Variants in RHBDD1 observed in about 807,000 individuals in gnomAD.
RHBDD1 encodes the protein rhomboid domain containing 1.
Under a neutral mutation model 36.3 loss-of-function variants are expected in RHBDD1, and 38 were observed. The observed-to-expected ratio is 1.05, with a 90% CI of 0.81 to 1.37. The LOEUF is 1.37. Among genes scored for constraint, RHBDD1 ranks in the 40% most tolerant of loss-of-function variants. RHBDD1 has a pLI of 0.00. For missense variants in RHBDD1, 393 were observed against 377.6 expected, an observed-to-expected ratio of 1.04 and a Z score of -0.34; for synonymous variants, 151 against 136.5, an observed-to-expected ratio of 1.11 and a Z score of -0.74.
rs1944178992 is a variant in RHBDD1, at chr2:226,864,756, T to A, written c.63T>A (p.His21Gln). 1 of 1,614,220 alleles carries A rather than the reference T, an allele frequency of 6.2e-7. No homozygotes were observed. The highest frequency in any genetic ancestry group is 1.3e-5 in the African/African-American group (1 of 75,056). ...TTCTACTCCTTTCTCAAATCTTCCA[T>A]GTTGGGATCAACAATATTCCACCTG... ...GLILLLSQIFHVGINNIPPVT... is the reference protein window; with the variant it reads ...GLILLLSQIFQVGINNIPPVT... Residue 21 changes from histidine (H) to glutamine (Q), a missense_variant, in exon 4 of 9, where the codon CAT becomes CAA. Physicochemically the swap from His to Gln is conservative, Grantham distance 24. Coordinates refer to ENST00000392062, the MANE Select transcript of RHBDD1 (RefSeq NM_001167608.3).
chr2:226,820,575 T>C, the RHBDD1 span, among the ~76,000 whole-genome samples: 1 of 137,794 alleles, frequency 7.3e-6, no homozygotes, highest in Non-Finnish European at 1.5e-5. Flanking sequence ...TGGGAGGCTA[T>C]GGCGGAAGGA....
intron 8 of RHBDD1, among the ~76,000 whole-genome samples, chr2:226,982,626 T>A (rs1956030398): frequency 6.6e-6 from 1 of 152,210 alleles, no homozygotes; most frequent in Non-Finnish European, 1.5e-5. Context: ...ATAGACTGAA[T>A]TGTGTTCCAA....
intron 1 of RHBDD1, chr2:226,837,580 A>T (rs1031792790): frequency 2.6e-5 from 4 of 152,280 alleles, no homozygotes; most frequent in Admixed American, 2.0e-4. Context: ...TCTGCCACCC[A>T]GGCTGGAGTG....
rs762353533 is a variant in RHBDD1 at position 226,914,351 on chromosome 2, G to A, written c.856G>A (p.Gly286Arg). ...RALQASLWDR[G>R]NTRNSPPPYG... ...ATTACAAGCCAGCCTCTGGGACCGA[G>A]GTAGGAGTCTTGCGCCCTTCAGTTA... The change falls in exon 8 of 9, where the codon GGA becomes AGA. Residue 286 changes from glycine to arginine, a missense_variant and splice_region_variant. Gly to Arg is a moderately radical substitution (Grantham distance 125). Coordinates refer to ENST00000392062, the MANE Select transcript of RHBDD1 (RefSeq NM_001167608.3). 2 of 1,612,536 alleles carry A rather than the reference G, an allele frequency of 1.2e-6. No homozygotes were observed. The highest frequency in any genetic ancestry group is 2.7e-5 in the African/African-American group (2 of 74,882).
At chr2:226,905,356 G>A (rs1286825359) in intron 5 of RHBDD1, among the ~76,000 whole-genome samples, 5 of 152,062 alleles carry the variant, frequency 3.3e-5, no homozygotes, top group Admixed American at 2.0e-4. Context: ...AGGAAAGAAC[G>A]GCTCTTCAAC....
At chr2:226,896,731 A>G (rs1434102171) in intron 5 of RHBDD1, among the ~76,000 whole-genome samples, 2 of 152,258 alleles carry the variant, frequency 1.3e-5, no homozygotes, top group East Asian at 3.9e-4. Context: ...CATGGCACAC[A>G]GGCCTTATGT....
chr2:226,830,245 A>G, the RHBDD1 span, among the ~76,000 whole-genome samples: 1 of 152,194 alleles, frequency 6.6e-6, no homozygotes, highest in African/African-American at 2.4e-5. Flanking sequence ...TCGTGCCCTT[A>G]TAAGAGACCC....
chr2:226,815,995 T>C, the RHBDD1 span, among the ~76,000 whole-genome samples: 801 of 152,318 alleles, frequency 5.3e-3, 8 homozygotes, highest in Non-Finnish European at 8.6e-3. Context: ...TGTCTCTAGT[T>C]TGTGACATGA....
At chr2:226,881,385 A>AT (rs1474246885) in intron 5 of RHBDD1, among the ~76,000 whole-genome samples, 1 of 152,178 alleles carries the variant, frequency 6.6e-6, no homozygotes, top group African/African-American at 2.4e-5. Flanking sequence ...TGTATTTTCA[A>AT]TTTTTTTGTT....
At chr2:226,848,335 T>C (rs1942438084) in intron 3 of RHBDD1, among the ~76,000 whole-genome samples, 1 of 151,696 alleles carries the variant, frequency 6.6e-6, no homozygotes. Context: ...TATCTTAACA[T>C]GTGTAATGGA....
chr2:226,835,178 G>A (rs989903036), upstream of RHBDD1, among the ~76,000 whole-genome samples: 3 of 151,920 alleles, frequency 2.0e-5, no homozygotes, highest in African/African-American at 7.2e-5. Context: ...CCCAAAGTGC[G>A]GGGATTACAG....
At chr2:226,855,339 C>T (rs1040135987) in intron 3 of RHBDD1, among the ~76,000 whole-genome samples, 2 of 152,200 alleles carry the variant, frequency 1.3e-5, no homozygotes, top group Admixed American at 6.5e-5. Flanking sequence ...AAGACCCCAT[C>T]TCTACAAAAA....
chr2:226,940,615 A>C (rs1002037147), intron 8 of RHBDD1, among the ~76,000 whole-genome samples: 2 of 152,158 alleles, frequency 1.3e-5, no homozygotes, highest in Non-Finnish European at 2.9e-5. Context: ...TTTAATTAAA[A>C]AGTAATTCAA....
At chr2:226,883,650 A>C (rs1945966470) in intron 5 of RHBDD1, among the ~76,000 whole-genome samples, 1 of 152,208 alleles carries the variant, frequency 6.6e-6, no homozygotes, top group Admixed American at 6.5e-5. Context: ...TTAACTAACT[A>C]GGCTTGTTAA....
chr2:226,927,561 C>T (rs1045196797), intron 8 of RHBDD1, among the ~76,000 whole-genome samples: 8 of 151,850 alleles, frequency 5.3e-5, no homozygotes, highest in Non-Finnish European at 1.2e-4. Context: ...GCCTGTTTTC[C>T]TAAGTGTTTG....
chr2:226,963,846 C>A (rs1952415007), intron 8 of RHBDD1, among the ~76,000 whole-genome samples: 1 of 151,944 alleles, frequency 6.6e-6, no homozygotes, highest in South Asian at 2.1e-4. Context: ...CTAGGCAATG[C>A]CCCCAACCTC....
intron 8 of RHBDD1, among the ~76,000 whole-genome samples, chr2:226,957,190 A>G (rs1366204885): frequency 3.3e-5 from 5 of 152,240 alleles, no homozygotes; most frequent in East Asian, 1.9e-4. Context: ...GAAGGCACAT[A>G]AAGTACTTGA....
chr2:226,843,969 T>C (rs901094890), intron 3 of RHBDD1, among the ~76,000 whole-genome samples: 1 of 152,182 alleles, frequency 6.6e-6, no homozygotes, highest in Non-Finnish European at 1.5e-5. Context: ...TATTAGTCTA[T>C]TCAGGGATTC....
intron 3 of RHBDD1, among the ~76,000 whole-genome samples, chr2:226,847,475 G>A (rs1005161638): frequency 2.6e-5 from 4 of 152,068 alleles, no homozygotes; most frequent in African/African-American, 9.7e-5. Context: ...TTTCCAAAAA[G>A]TATCTGCTTT....
Sources: gnomAD v4.1 joint callset for allele counts (sites outside exome capture counted in the v4.1 genomes callset) on GRCh38, gnomAD v4.1.1 for gene constraint, MANE v1.5 for transcripts, NCBI Gene and HGNC (gene_info 2026-07-23, HGNC 2026-07-21) for gene names.